Variants in LMO1 observed in about 807,000 individuals in gnomAD.
LMO1 encodes LIM domain only 1.
LMO1 carries 10 observed loss-of-function variants against 18.0 expected under a neutral mutation model. That is an observed-to-expected ratio of 0.55 (90% CI 0.34 to 0.94). The LOEUF is 0.94. Ranked by LOEUF, LMO1 falls within the 40% of genes least tolerant of loss-of-function variation. The pLI is 0.02. For synonymous variants in LMO1, 77 were observed against 77.9 expected, an observed-to-expected ratio of 0.99 and a Z score of 0.06; for missense variants, 183 against 205.7, an observed-to-expected ratio of 0.89 and a Z score of 0.68.
At chr11:8,239,328 C>T (rs1846744385) in intron 1 of LMO1, among the ~76,000 whole-genome samples, 1 of 152,198 alleles carries the variant, frequency 6.6e-6, no homozygotes, top group Non-Finnish European at 1.5e-5. Flanking sequence ...GGGTGGACCA[C>T]AGGACTTTCC....
chr11:8,251,728 G>T (rs1846996798), intron 1 of LMO1, among the ~76,000 whole-genome samples: 1 of 151,644 alleles, frequency 6.6e-6, no homozygotes, highest in South Asian at 2.1e-4. Context: ...TGCGTGTGGT[G>T]TGTATGGGGG....
At chr11:8,235,143 A>AC (rs34875705) in intron 1 of LMO1, among the ~76,000 whole-genome samples, 67,460 of 152,024 alleles carry the variant, frequency 0.44, 15,196 homozygotes, top group East Asian at 0.53. Context: ...ATTAACAGTC[A>AC]CCCCAGGATA....
At chr11:8,267,712 A>AG (rs1252397701), upstream of LMO1, among the ~76,000 whole-genome samples, 1 of 152,244 alleles carries the variant, frequency 6.6e-6, no homozygotes, top group East Asian at 1.9e-4. Flanking sequence ...AGGAACCTGA[A>AG]GGACCCTAAA....
chr11:8,265,415 C>T (rs569765322), upstream of LMO1, among the ~76,000 whole-genome samples: 4 of 152,232 alleles, frequency 2.6e-5, no homozygotes, highest in Admixed American at 6.5e-5. Flanking sequence ...TGGGGAGCAG[C>T]GGGCTGCAGC....
intron 1 of LMO1, among the ~76,000 whole-genome samples, chr11:8,251,956 GTGTT>G (rs1847006644): frequency 3.4e-5 from 5 of 147,082 alleles, no homozygotes; most frequent in South Asian, 4.5e-4. Context: ...GTGGGAGTGT[GTGTT>G]TGTGTGTGGG....
chr11:8,243,504 T>G (rs1465699728), intron 1 of LMO1, among the ~76,000 whole-genome samples: 1 of 152,188 alleles, frequency 6.6e-6, no homozygotes, highest in Non-Finnish European at 1.5e-5. Context: ...GAGAGTGGTC[T>G]GAAGCTCCCA....
chr11:8,224,591 G>A lies in LMO1; in HGVS notation c.*25C>T, dbSNP rs562910919. 6.2e-6 allele frequency: 9 copies of A among 1,460,832 alleles called. No homozygotes were observed. The highest frequency in any genetic ancestry group is 2.1e-4 in the Middle Eastern group (1 of 4,856). 90.5% of individuals were successfully genotyped at this position (1,460,832 alleles called of 1,614,324 possible). On this transcript the variant is annotated 3_prime_UTR_variant, in exon 4 of 4. Transcript: ENST00000335790. ...TGGGCAGGCGGGCAGATGGACAGAC[G>A]GGCCTGGAGGCCAGGCGCCGGGCGT... is the stretch of plus-strand genomic sequence containing the variant.
intron 1 of LMO1, among the ~76,000 whole-genome samples, chr11:8,259,132 C>T (rs1054300720): frequency 1.3e-5 from 2 of 152,058 alleles, no homozygotes; most frequent in Non-Finnish European, 2.9e-5. Flanking sequence ...AGCAAGACAC[C>T]GCCATCCAAG....
chr11:8,226,427 C>T (rs999680609), intron 3 of LMO1, among the ~76,000 whole-genome samples: 2 of 152,174 alleles, frequency 1.3e-5, no homozygotes, highest in Admixed American at 6.5e-5. Context: ...GCAGGAGAAT[C>T]ACTTGAACCC....
intron 1 of LMO1, among the ~76,000 whole-genome samples, chr11:8,255,190 C>T (rs963359272): frequency 2.0e-5 from 3 of 152,154 alleles, no homozygotes; most frequent in Non-Finnish European, 4.4e-5. Context: ...CAGTGCCAAA[C>T]CTTGGCCTCA....
chr11:8,265,763 G>A (rs992728724), upstream of LMO1, among the ~76,000 whole-genome samples: 2 of 152,132 alleles, frequency 1.3e-5, no homozygotes, highest in African/African-American at 4.8e-5. Flanking sequence ...CAAGCACAGG[G>A]CCTGACAGGC....
At chr11:8,262,743 G>A (rs1362208862) in intron 1 of LMO1, among the ~76,000 whole-genome samples, 1 of 152,136 alleles carries the variant, frequency 6.6e-6, no homozygotes, top group African/African-American at 2.4e-5. Flanking sequence ...CACAAGAGGC[G>A]GCTCTCTTTC....
chr11:8,255,811 T>A (rs181861795), intron 1 of LMO1, among the ~76,000 whole-genome samples: 13 of 142,118 alleles, frequency 9.1e-5, no homozygotes, highest in African/African-American at 3.3e-4. Flanking sequence ...GATAGCACAA[T>A]GCCGCACTTT....
At chr11:8,249,409 C>T (rs894514652) in intron 1 of LMO1, among the ~76,000 whole-genome samples, 10 of 152,216 alleles carry the variant, frequency 6.6e-5, no homozygotes, top group Non-Finnish European at 1.5e-4. Context: ...CATTTGCTCT[C>T]CACAGAGTAA....
chr11:8,226,852 A>G (rs1952552026), intron 3 of LMO1, 123 bp downstream of exon 3: 1 of 1,429,878 alleles, frequency 7.0e-7, no homozygotes, highest in Non-Finnish European at 9.2e-7. Flanking sequence ...ACCTGCACGC[A>G]CCACCACATA....
At chr11:8,263,085 C>G (rs1214935888) in intron 1 of LMO1, among the ~76,000 whole-genome samples, 1 of 151,760 alleles carries the variant, frequency 6.6e-6, no homozygotes. Context: ...CTCCTCGGCT[C>G]GCGGCCGGGA....
intron 1 of LMO1, among the ~76,000 whole-genome samples, chr11:8,243,733 G>A (rs1846838274): frequency 6.6e-6 from 1 of 152,214 alleles, no homozygotes; most frequent in Admixed American, 6.5e-5. Context: ...GGGGTAGTGG[G>A]CCTCACCAAG....
intron 1 of LMO1, among the ~76,000 whole-genome samples, chr11:8,251,645 C>T (rs1402382068): frequency 6.6e-6 from 1 of 152,076 alleles, no homozygotes; most frequent in East Asian, 1.9e-4. Flanking sequence ...CAGCAGCCCC[C>T]GGCGCTGGTC....
At chr11:8,250,632 G>A (rs1846974706) in intron 1 of LMO1, among the ~76,000 whole-genome samples, 1 of 152,242 alleles carries the variant, frequency 6.6e-6, no homozygotes, top group Non-Finnish European at 1.5e-5. Flanking sequence ...CTCACAGATG[G>A]GAAACAGCTT....
Sources: allele counts gnomAD v4.1 joint callset (sites outside exome capture counted in the v4.1 genomes callset), GRCh38; gene constraint gnomAD v4.1.1; transcripts MANE v1.5; gene names NCBI Gene and HGNC (gene_info 2026-07-23, HGNC 2026-07-21).